The following ASB2 variants were observed in gnomAD, a reference collection of about 807,000 sequenced individuals.
ASB2 encodes the protein ankyrin repeat and SOCS box protein 2.
A neutral mutation model predicts 62.4 loss-of-function variants in ASB2; 58 were observed. The observed-to-expected ratio is 0.93, with a 90% CI of 0.75 to 1.16. The LOEUF (loss-of-function observed/expected upper bound fraction) is 1.16, where lower values mean the gene tolerates loss of function less well. ASB2 is among the 50% of genes most tolerant of loss of function. The probability of loss-of-function intolerance (pLI) is 0.00; values close to 1 mark genes in which losing one functional copy is unlikely to be tolerated. For synonymous variants in ASB2, 386 were observed against 385.3 expected (o/e 1.00, Z -0.02); for missense variants, 928 against 887.9 (o/e 1.05, Z -0.57).
At chr14:93,947,561 G>C (rs776011856) in intron 6 of ASB2, 41 bp from the exon 7 acceptor site, 2 of 1,605,042 alleles carry the variant, frequency 1.2e-6, no homozygotes, top group African/African-American at 2.7e-5. Flanking sequence ...CAAGTGACCG[G>C]GAAGTTGCTG....
chr14:93,954,622 G>A, intron 3 of ASB2, 139 bp from the exon 4 acceptor site: 4 of 719,432 alleles, frequency 5.6e-6, no homozygotes, highest in Non-Finnish European at 9.2e-6. Context: ...GCCCCCTGCA[G>A]CCCAGTGGCT....
In ASB2 at chr14:93,954,450, A is replaced by T; in HGVS notation, c.345T>A (p.Asp115Glu). 1 of 1,614,176 alleles carries T rather than the reference A, an allele frequency of 6.2e-7. No individual in the cohort carries two copies. The stretch of plus-strand genomic sequence containing the variant: ...TGGTCTTCAAGGCCTCTTCATCGCC[A>T]TCCTTGATGGCCTTTATCAAGGGGT... ...PADPLIKAIK[D>E]GDEEALKTMI... is the part of the protein sequence containing the mutation. The change falls in exon 4 of 10, where the codon GAT becomes GAA. Residue 115 changes from aspartate to glutamate, a missense_variant. Physicochemically the swap from Asp to Glu is conservative, Grantham distance 45 (BLOSUM62 2). Transcript: ENST00000555019.
intron 1 of ASB2, 29 bp from the exon 2 acceptor site, chr14:93,964,641 A>AAGG: frequency 9.2e-7 from 1 of 1,082,122 alleles, no homozygotes; most frequent in Non-Finnish European, 1.4e-6. Context: ...CATCCTGGTC[A>AAGG]CGAACAGTTT....
intron 2 of ASB2, among the ~76,000 whole-genome samples, chr14:93,961,929 G>A (rs923978493): frequency 6.6e-6 from 1 of 152,080 alleles, no homozygotes; most frequent in African/African-American, 2.4e-5. Flanking sequence ...ACTTCAGAGC[G>A]GGACAGACTT....
At chr14:93,969,419 G>A (rs1437170182) in intron 1 of ASB2, among the ~76,000 whole-genome samples, 2 of 152,224 alleles carry the variant, frequency 1.3e-5, no homozygotes, top group African/African-American at 2.4e-5. Flanking sequence ...TTCTCCATCT[G>A]TAAAATGGAC....
chr14:93,947,619 G>T, intron 6 of ASB2, 99 bp from the exon 7 acceptor site: 1 of 1,214,410 alleles, frequency 8.2e-7, no homozygotes. Flanking sequence ...GCTAACCACG[G>T]TAATGCACGG....
rs111824884 is a variant in ASB2, at chr14:93,944,961, G to A, written c.1052+2388C>T. On this transcript the variant is annotated intron_variant, in intron 7 of 9. Coordinates refer to ENST00000555019, the MANE Select transcript of ASB2 (RefSeq NM_001202429.2). ...CCCAGATGAAGGTCCCAGCCCTGCC[G>A]CTATCTCAAAAATCACTTCCATATC... 2.0e-5 allele frequency among the ~76,000 whole-genome samples: 3 copies of A among 152,302 alleles called. No homozygotes were observed. The East Asian group carries it at 5.8e-4, about 29-fold the overall frequency.
chr14:93,942,121 C>A (rs941295388), intron 7 of ASB2: 4 of 453,620 alleles, frequency 8.8e-6, no homozygotes, highest in Non-Finnish European at 1.3e-5. Flanking sequence ...CTCTTCCCAG[C>A]CCATTTTGTG....
intron 6 of ASB2, among the ~76,000 whole-genome samples, chr14:93,950,461 G>T (rs1888911823): frequency 6.6e-6 from 1 of 152,204 alleles, no homozygotes; most frequent in Non-Finnish European, 1.5e-5. Flanking sequence ...TCCCAGCTCT[G>T]CCACTAATTT....
chr14:93,951,081 G>A lies in ASB2; in HGVS notation c.798C>T (p.Ser266=). ...ILVSGGAKVE[S]KNAYGITPLF... is the part of the protein sequence containing the mutation. ...AGGGGGTGATGCCGTAGGCGTTCTT[G>A]GATTCCACCTTGGCTCCTCCGCTCA... Residue 266 remains serine, a synonymous_variant, in exon 6 of 10, where the codon TCC becomes TCT. Transcript: ENST00000555019. 6.2e-7 allele frequency: 1 copy of A among 1,614,186 alleles called. No homozygotes were observed. The highest frequency in any genetic ancestry group is 8.5e-7 in the Non-Finnish European group (1 of 1,180,044).
chr14:93,940,441 A>G (rs1366308087), intron 7 of ASB2: 1 of 152,182 alleles, frequency 6.6e-6, no homozygotes, highest in South Asian at 2.1e-4. Context: ...AGCTGTCCCT[A>G]TCTTGCTGTC....
In ASB2 at chr14:93,937,773, T is replaced by C. The variant is rs770864987; in HGVS notation, c.1696A>G (p.Asn566Asp). 1.4e-5 allele frequency: 22 copies of C among 1,613,376 alleles called. No homozygotes were observed. The East Asian group carries it at 4.7e-4, about 34-fold the overall frequency. The change falls in exon 9 of 10, where the codon AAC (asparagine) becomes GAC (aspartate). Residue 566 changes from asparagine to aspartate, a missense_variant. Asn to Asp is a conservative substitution (Grantham distance 23, BLOSUM62 1). Coordinates refer to ENST00000555019, the MANE Select transcript of ASB2 (RefSeq NM_001202429.2). ...IIDVLLDYVG[N>D]VQLCSRLKEH... ...TTCAGCCGCGAGCAGAGCTGCACGT[T>C]GCCCACGTAGTCCAGGAGGACATCG...
At chr14:93,940,017 A>C in intron 7 of ASB2, 1 of 287,670 alleles carries the variant, frequency 3.5e-6, no homozygotes, top group Non-Finnish European at 6.4e-6. Context: ...GCCAGACTGC[A>C]CTAGGGTTTC....
chr14:93,934,784 T>A lies in ASB2; in HGVS notation c.1780A>T (p.Arg594Ter). 6.2e-7 allele frequency: 1 copy of A among 1,613,418 alleles called. No homozygotes were observed. The change falls in exon 10 of 10, where the codon AGA becomes TGA. Residue 594 changes from arginine (R) to a stop codon, truncating the protein, a stop_gained. Coordinates refer to ENST00000555019, the MANE Select transcript of ASB2 (RefSeq NM_001202429.2). LOFTEE classifies it high-confidence loss of function. Reference protein sequence around the residue: ...AVIKEKAEPPRPLAHLCRLRV... With the variant: ...AVIKEKAEPP Reference sequence around the variant, plus strand: ...AGTCGGCAAAGGTGAGCCAGAGGTCTTGGAGGTTCTGAAAAAAGGAGGGAA... The same window carrying A: ...AGTCGGCAAAGGTGAGCCAGAGGTCATGGAGGTTCTGAAAAAAGGAGGGAA...
rs1401902465 is a variant in ASB2, at chr14:93,943,963, A to G, written c.1052+3386T>C. Reference sequence around the variant, plus strand: ...TATATGTTGGAACTAAAAGAGAAGGAATATTTAAAAACGAGGGAGGCAGAA... The same window carrying G: ...TATATGTTGGAACTAAAAGAGAAGGGATATTTAAAAACGAGGGAGGCAGAA... On this transcript the variant is annotated intron_variant, in intron 7 of 9. Coordinates refer to ENST00000555019, the MANE Select transcript of ASB2 (RefSeq NM_001202429.2). The G allele has an allele frequency of 1.1e-5, 5 of 455,984 alleles. No homozygotes were observed. In the East Asian group the frequency reaches 3.5e-4, roughly 32 times the overall value. The allele number at this position is 455,984 out of a possible 1,614,324, so 28.2% of individuals were successfully genotyped here.
chr14:93,938,769 A>T (rs1888376227), intron 8 of ASB2, among the ~76,000 whole-genome samples: 1 of 152,172 alleles, frequency 6.6e-6, no homozygotes, highest in Non-Finnish European at 1.5e-5. Flanking sequence ...GTGGACCACA[A>T]GAAGGATTTC....
chr14:93,938,689 G>A (rs970079787), intron 8 of ASB2, among the ~76,000 whole-genome samples: 2 of 151,752 alleles, frequency 1.3e-5, no homozygotes, highest in African/African-American at 4.9e-5. Flanking sequence ...TAGGTTTGCT[G>A]GAGGTGACGA....
At chr14:93,949,932 G>A (rs1474716733) in intron 6 of ASB2, among the ~76,000 whole-genome samples, 1 of 152,170 alleles carries the variant, frequency 6.6e-6, no homozygotes, top group African/African-American at 2.4e-5. Flanking sequence ...CGCGTGCTGA[G>A]TGCATGGATG....
chr14:93,964,611 C>A lies in ASB2; in HGVS notation c.-72G>T. On this transcript the variant is annotated splice_region_variant and 5_prime_UTR_variant, in exon 2 of 10. Coordinates refer to ENST00000555019, the MANE Select transcript of ASB2 (RefSeq NM_001202429.2). Reference sequence around the variant, plus strand: ...GAGGAGGGAACAGCAAATCAGAAAACCCTGTGAGGAAACCAAAACCATCCT... The same window carrying A: ...GAGGAGGGAACAGCAAATCAGAAAAACCTGTGAGGAAACCAAAACCATCCT... 6.9e-7 allele frequency: 1 copy of A among 1,444,816 alleles called. No homozygotes were observed. 89.5% of individuals were successfully genotyped at this position (1,444,816 alleles called of 1,614,324 possible). A position where few individuals can be genotyped will look rare whatever the true frequency, so the allele number is the denominator to read the frequency against.
Sources: allele counts gnomAD v4.1 joint callset (sites outside exome capture counted in the v4.1 genomes callset), GRCh38; gene constraint gnomAD v4.1.1; transcripts MANE v1.5; gene names NCBI Gene and HGNC (gene_info 2026-07-23, HGNC 2026-07-21).